The following AGBL4 variants were observed in gnomAD, a reference collection of about 807,000 sequenced individuals.
AGBL4 encodes AGBL carboxypeptidase 4, also known as cytosolic carboxypeptidase 6.
Under a neutral mutation model 66.4 loss-of-function variants are expected in AGBL4, and 58 were observed. That is an observed-to-expected ratio of 0.87 (90% CI 0.71 to 1.09). The LOEUF (loss-of-function observed/expected upper bound fraction) is 1.09, where lower values mean the gene tolerates loss of function less well. Among genes scored for constraint, AGBL4 ranks in the 50% least tolerant of loss-of-function variants. The pLI is 0.00. For missense variants in AGBL4, 579 were observed against 631.0 expected (o/e 0.92, Z 0.88); for synonymous variants, 234 against 222.9 (o/e 1.05, Z -0.44).
At chr1:49,311,733 T>TA (rs1181634554) in intron 3 of AGBL4, among the ~76,000 whole-genome samples, 2 of 151,956 alleles carry the variant, frequency 1.3e-5, no homozygotes, top group Admixed American at 6.6e-5. Context: ...TTTTAGAATA[T>TA]AAAAGAATAA....
chr1:49,252,107 T>C (rs1250928731), intron 3 of AGBL4, among the ~76,000 whole-genome samples: 1 of 151,982 alleles, frequency 6.6e-6, no homozygotes, highest in African/African-American at 2.4e-5. Flanking sequence ...GGAATGAAGA[T>C]CATTGAGCTA....
chr1:48,865,431 A>G (rs1037765572), intron 6 of AGBL4, among the ~76,000 whole-genome samples: 1 of 152,158 alleles, frequency 6.6e-6, no homozygotes, highest in African/African-American at 2.4e-5. Context: ...ACACAAGTAT[A>G]GCCCATTTGC....
intron 1 of AGBL4, among the ~76,000 whole-genome samples, chr1:49,998,735 A>G (rs1474792454): frequency 6.6e-6 from 1 of 152,186 alleles, no homozygotes; most frequent in Non-Finnish European, 1.5e-5. Context: ...ATAATCCACC[A>G]TGATCAAGTG....
chr1:48,698,432 A>G (rs979358792), intron 6 of AGBL4, among the ~76,000 whole-genome samples: 1 of 152,204 alleles, frequency 6.6e-6, no homozygotes, highest in Non-Finnish European at 1.5e-5. Context: ...GACTCAAAGA[A>G]AAAGGAAACT....
At chr1:49,195,145 T>G (rs2148216491) in intron 4 of AGBL4, among the ~76,000 whole-genome samples, 1 of 152,238 alleles carries the variant, frequency 6.6e-6, no homozygotes, top group African/African-American at 2.4e-5. Context: ...CTTGGCCTCT[T>G]TTTATTCCTA....
intron 4 of AGBL4, among the ~76,000 whole-genome samples, chr1:49,231,781 G>C (rs1650330505): frequency 6.6e-6 from 1 of 152,132 alleles, no homozygotes; most frequent in African/African-American, 2.4e-5. Context: ...ATGTGAAAAT[G>C]ATACAAATTT....
At chr1:49,003,437 TAAAATA>T (rs1661545085) in intron 5 of AGBL4, among the ~76,000 whole-genome samples, 1 of 151,890 alleles carries the variant, frequency 6.6e-6, no homozygotes, top group Non-Finnish European at 1.5e-5. Context: ...ATAAATAAAA[TAAAATA>T]AAAATAAAGT....
chr1:49,936,889 C>A (rs1032761070), intron 1 of AGBL4, among the ~76,000 whole-genome samples: 3 of 152,042 alleles, frequency 2.0e-5, no homozygotes, highest in African/African-American at 7.2e-5. Flanking sequence ...AAAATCATGC[C>A]GAATTATACA....
In AGBL4 at chr1:48,706,783, C is replaced by T. The variant is rs1036388065; in HGVS notation, c.635-43542G>A. Among the ~76,000 whole-genome samples the T allele has an allele frequency of 6.6e-5, 10 of 152,332 alleles. No homozygotes were observed. In the South Asian group the frequency reaches 2.1e-3, roughly 32 times the overall value. On this transcript the variant is annotated intron_variant, in intron 6 of 13. Transcript: ENST00000371839. ...ATGAGTGCATTAATAAATGAAGTGA[C>T]TATCTGGGGTTCCCACATCTGAATC...
At chr1:49,710,743 A>G (rs1647598831) in intron 2 of AGBL4, among the ~76,000 whole-genome samples, 1 of 151,928 alleles carries the variant, frequency 6.6e-6, no homozygotes, top group South Asian at 2.1e-4. Context: ...TCATAAACAG[A>G]TACCAAAAAT....
chr1:49,698,844 G>A (rs1406944536), intron 2 of AGBL4, among the ~76,000 whole-genome samples: 1 of 151,896 alleles, frequency 6.6e-6, no homozygotes, highest in East Asian at 1.9e-4. Flanking sequence ...AAGTATAAAT[G>A]GGTTTTGATA....
intron 2 of AGBL4, among the ~76,000 whole-genome samples, chr1:49,850,288 G>A (rs1646272038): frequency 6.6e-6 from 1 of 152,130 alleles, no homozygotes; most frequent in African/African-American, 2.4e-5. Context: ...TGTAAGCCAA[G>A]GAACACCAAA....
chr1:49,774,234 A>T (rs142293884), intron 2 of AGBL4, among the ~76,000 whole-genome samples: 3 of 152,332 alleles, frequency 2.0e-5, no homozygotes, highest in East Asian at 3.9e-4. Context: ...CGTCTGCAAC[A>T]GTGATAGGGA....
chr1:48,723,037 A>G, intron 6 of AGBL4, among the ~76,000 whole-genome samples: 1 of 152,234 alleles, frequency 6.6e-6, no homozygotes, highest in South Asian at 2.1e-4. Flanking sequence ...AAGGTCACAC[A>G]CCAAGTGGAA....
intron 2 of AGBL4, among the ~76,000 whole-genome samples, chr1:49,748,123 T>A (rs1030230130): frequency 6.6e-6 from 1 of 152,168 alleles, no homozygotes; most frequent in Non-Finnish European, 1.5e-5. Flanking sequence ...CAAACCGTCA[T>A]CTACATTAGG....
chr1:49,640,287 A>C (rs1480111084), intron 3 of AGBL4, among the ~76,000 whole-genome samples: 1 of 152,182 alleles, frequency 6.6e-6, no homozygotes, highest in Non-Finnish European at 1.5e-5. Context: ...ATGGGGATTT[A>C]AACAATGAAA....
chr1:49,832,103 G>A (rs138699507), intron 2 of AGBL4, among the ~76,000 whole-genome samples: 4,186 of 151,552 alleles, frequency 0.028, 165 homozygotes, highest in African/African-American at 0.096. Flanking sequence ...CCATTAACTC[G>A]TCATTTAGCA....
intron 3 of AGBL4, among the ~76,000 whole-genome samples, chr1:49,667,521 AT>A (rs1212107658): frequency 6.6e-6 from 1 of 152,180 alleles, no homozygotes; most frequent in African/African-American, 2.4e-5. Context: ...AAGGAAAAAA[AT>A]AAGCATAAAT....
At chr1:48,675,435 T>C (rs1302429331) in intron 6 of AGBL4, among the ~76,000 whole-genome samples, 2 of 152,204 alleles carry the variant, frequency 1.3e-5, no homozygotes, top group East Asian at 1.9e-4. Flanking sequence ...TGTCAAAATG[T>C]CCGCATATCA....
Sources: gnomAD v4.1 joint callset for allele counts (sites outside exome capture counted in the v4.1 genomes callset) on GRCh38, gnomAD v4.1.1 for gene constraint, MANE v1.5 for transcripts, NCBI Gene and HGNC (gene_info 2026-07-23, HGNC 2026-07-21) for gene names.